SUGCT: variants seen among roughly 807,000 people sequenced by gnomAD.
The protein encoded by SUGCT is succinyl-CoA:glutarate-CoA transferase.
In SUGCT, 41 loss-of-function variants were observed where a neutral mutation model predicts 55.0. That is an observed-to-expected ratio of 0.74 (90% CI 0.58 to 0.97). The LOEUF (loss-of-function observed/expected upper bound fraction) is 0.97. SUGCT is among the 50% of genes least tolerant of loss of function. The pLI is 0.00. For missense variants in SUGCT, 568 were observed against 547.8 expected, an observed-to-expected ratio of 1.04 and a Z score of -0.37; for synonymous variants, 187 against 200.4, an observed-to-expected ratio of 0.93 and a Z score of 0.56.
chr7:40,748,178 C>A (rs1463783411), intron 12 of SUGCT, among the ~76,000 whole-genome samples: 1 of 151,798 alleles, frequency 6.6e-6, no homozygotes, highest in Non-Finnish European at 1.5e-5. Flanking sequence ...TAGAGAGAGA[C>A]TTTGGGGTGT....
chr7:40,993,181 G>C, the SUGCT span, among the ~76,000 whole-genome samples: 2 of 152,110 alleles, frequency 1.3e-5, no homozygotes, highest in African/African-American at 4.8e-5. Context: ...GGGTTAAAAT[G>C]CTCTAGATCA....
At chr7:40,503,451 T>C (rs1000812712) in intron 12 of SUGCT, among the ~76,000 whole-genome samples, 1 of 152,098 alleles carries the variant, frequency 6.6e-6, no homozygotes, top group African/African-American at 2.4e-5. Flanking sequence ...TAATTAAATA[T>C]ATTCCAAAAC....
chr7:40,139,127 AAAATAAAT>A (rs56301316), intron 1 of SUGCT, among the ~76,000 whole-genome samples: 44,146 of 140,262 alleles, frequency 0.31, 7,083 homozygotes, highest in African/African-American at 0.37. Context: ...CTCTGGCTCA[AAAATAAAT>A]AAATAAATAA....
chr7:41,029,721 T>C, the SUGCT span, among the ~76,000 whole-genome samples: 2 of 152,218 alleles, frequency 1.3e-5, no homozygotes, highest in Non-Finnish European at 2.9e-5. Flanking sequence ...TTTTGGTACA[T>C]TTGTTATAAT....
At chr7:40,725,688 T>G (rs947362876) in intron 12 of SUGCT, among the ~76,000 whole-genome samples, 1 of 152,034 alleles carries the variant, frequency 6.6e-6, no homozygotes, top group Non-Finnish European at 1.5e-5. Context: ...TGAAACCCTA[T>G]AGTTAATTGT....
chr7:40,816,080 C>G (rs2128762177), intron 13 of SUGCT, among the ~76,000 whole-genome samples: 1 of 152,356 alleles, frequency 6.6e-6, no homozygotes, highest in African/African-American at 2.4e-5. Context: ...AGAGAAACTA[C>G]AGCTGTAGCA....
chr7:40,807,446 G>A (rs904139506), intron 13 of SUGCT, among the ~76,000 whole-genome samples: 2 of 152,168 alleles, frequency 1.3e-5, no homozygotes, highest in Non-Finnish European at 2.9e-5. Context: ...GTAGAGTCTG[G>A]AGGCAATTAC....
At chr7:40,604,203 C>A (rs1798420397) in intron 12 of SUGCT, among the ~76,000 whole-genome samples, 1 of 152,156 alleles carries the variant, frequency 6.6e-6, no homozygotes, top group Non-Finnish European at 1.5e-5. Context: ...GCCCGAGGCC[C>A]TTGCTATCTC....
At chr7:40,635,826 C>T (rs1338784233) in intron 12 of SUGCT, among the ~76,000 whole-genome samples, 1 of 152,134 alleles carries the variant, frequency 6.6e-6, no homozygotes, top group Admixed American at 6.5e-5. Context: ...GTGCAGATAC[C>T]CAGGTATCAC....
chr7:40,224,704 G>A (rs1420905506), intron 6 of SUGCT, among the ~76,000 whole-genome samples: 1 of 152,136 alleles, frequency 6.6e-6, no homozygotes, highest in African/African-American at 2.4e-5. Flanking sequence ...GCAAAAATAT[G>A]CACCAGTCAG....
At chr7:40,718,559 A>AT (rs1374888584) in intron 12 of SUGCT, among the ~76,000 whole-genome samples, 13 of 152,100 alleles carry the variant, frequency 8.5e-5, no homozygotes, top group Non-Finnish European at 1.2e-4. Context: ...ACATTTATAC[A>AT]TTTTTTTTGT....
the SUGCT span, among the ~76,000 whole-genome samples, chr7:40,883,984 A>T: frequency 1.3e-5 from 2 of 152,186 alleles, no homozygotes; most frequent in Admixed American, 6.5e-5. Flanking sequence ...TCTTCCAGAA[A>T]GAGAAATACT....
At chr7:40,741,648 T>C (rs1172028153) in intron 12 of SUGCT, among the ~76,000 whole-genome samples, 1 of 152,232 alleles carries the variant, frequency 6.6e-6, no homozygotes, top group Non-Finnish European at 1.5e-5. Flanking sequence ...GATGGGTTAA[T>C]GGCAGCATTG....
intron 12 of SUGCT, among the ~76,000 whole-genome samples, chr7:40,625,821 G>T (rs1008693414): frequency 2.0e-5 from 3 of 152,170 alleles, no homozygotes; most frequent in African/African-American, 7.2e-5. Context: ...CTGTAGAACA[G>T]TCAGGGTCCA....
chr7:40,779,709 T>C (rs1292875712), intron 13 of SUGCT, among the ~76,000 whole-genome samples: 1 of 152,210 alleles, frequency 6.6e-6, no homozygotes, highest in East Asian at 1.9e-4. Context: ...GCTTCACAGA[T>C]AACAGACTTC....
intron 7 of SUGCT, among the ~76,000 whole-genome samples, chr7:40,250,344 G>A (rs1790283299): frequency 6.6e-6 from 1 of 151,676 alleles, no homozygotes; most frequent in Non-Finnish European, 1.5e-5. Flanking sequence ...AGGTTGCAGT[G>A]AACCGAGATA....
intron 12 of SUGCT, among the ~76,000 whole-genome samples, chr7:40,577,745 T>A (rs562661599): frequency 4.6e-5 from 7 of 152,298 alleles, no homozygotes; most frequent in South Asian, 4.1e-4. Context: ...ACTTTTTTTT[T>A]AAACTGTAAG....
chr7:40,135,017 C>CGCGATGCTG lies in SUGCT; in HGVS notation c.2_10dup, dbSNP rs770115260. ...CGGGACCGATGCCATCTGAGACGCA[C>CGCGATGCTG]GCGATGCTGGCGACGCTGGCGAGGG... On this transcript the variant is annotated 5_prime_UTR_variant, in exon 1 of 14. In the 5' UTR this introduces an upstream ATG that the reference lacks. Transcript: ENST00000335693. 5.1e-5 allele frequency: 79 copies of CGCGATGCTG among 1,559,432 alleles called. No individual in the cohort carries two copies. The East Asian group carries it at 1.6e-3, about 32-fold the overall frequency.
At chr7:40,675,249 C>T (rs1367562948) in intron 12 of SUGCT, among the ~76,000 whole-genome samples, 21 of 151,868 alleles carry the variant, frequency 1.4e-4, no homozygotes, top group African/African-American at 4.4e-4. Flanking sequence ...TTAGTAGAGA[C>T]GGGGTTTCCA....
Sources: allele counts gnomAD v4.1 joint callset (sites outside exome capture counted in the v4.1 genomes callset), GRCh38; gene constraint gnomAD v4.1.1; transcripts MANE v1.5; gene names NCBI Gene and HGNC (gene_info 2026-07-23, HGNC 2026-07-21).